Variants in ZNF248 observed in about 807,000 individuals in gnomAD.
ZNF248 encodes zinc finger protein 248.
A neutral mutation model predicts 44.3 loss-of-function variants in ZNF248; 20 were observed. The ratio of observed to expected loss-of-function variants is 0.45; its 90% confidence interval spans 0.32 to 0.66. The LOEUF (loss-of-function observed/expected upper bound fraction) is 0.66. Ranked by LOEUF, ZNF248 falls within the 30% of genes least tolerant of loss-of-function variation. The pLI is 0.04. For synonymous variants in ZNF248, 224 were observed against 229.0 expected, an observed-to-expected ratio of 0.98 and a Z score of 0.20; for missense variants, 654 against 677.0, an observed-to-expected ratio of 0.97 and a Z score of 0.38.
At chr10:37,817,365 C>A (rs1433439659) in intron 6 of ZNF248, among the ~76,000 whole-genome samples, 5 of 117,110 alleles carry the variant, frequency 4.3e-5, no homozygotes, top group African/African-American at 1.3e-4. Flanking sequence ...CATGGATGAA[C>A]CTTTATTTTT....
In ZNF248 at chr10:37,856,468, C is replaced by T. The variant is rs2061312630; in HGVS notation, c.-61G>A. ...GTGTGGCTCCGATATATGCTGAGCT[C>T]AGACATGACACTTTTCACTGAGTGA... is the stretch of plus-strand genomic sequence containing the variant. On this transcript the variant is annotated 5_prime_UTR_variant, in exon 2 of 6. Transcript: ENST00000395867. 3.8e-6 allele frequency: 5 copies of T among 1,326,222 alleles called. No homozygotes were observed. The East Asian group carries it at 1.3e-4, about 35-fold the overall frequency. 82.2% of individuals were successfully genotyped at this position (1,326,222 alleles called of 1,614,324 possible).
chr10:37,763,559 CTG>C, the ZNF248 span, among the ~76,000 whole-genome samples: 8 of 152,214 alleles, frequency 5.3e-5, no homozygotes, highest in South Asian at 1.7e-3. Flanking sequence ...ACATAAAAGA[CTG>C]TATTAATATA....
Position 37,831,114 on chromosome 10 carries a change from A to G in ZNF248, c.*501T>C. ...GACACCAATGGTATTTAGTGTAGAA[A>G]ATATTAACAAATACCATAGTAGTTA... is the stretch of plus-strand genomic sequence containing the variant. On this transcript the variant is annotated 3_prime_UTR_variant, in exon 6 of 6. Transcript: ENST00000395867. 1 of 1,418,254 alleles carries G rather than the reference A, an allele frequency of 7.1e-7. No homozygotes were observed. Among genetic ancestry groups the G allele is most frequent in the South Asian group, 1.6e-5 (1 of 61,838 alleles). 87.9% of individuals were successfully genotyped at this position (1,418,254 alleles called of 1,614,324 possible).
intron 6 of ZNF248, among the ~76,000 whole-genome samples, chr10:37,786,692 A>G (rs143166615): frequency 2.6e-5 from 4 of 152,306 alleles, no homozygotes; most frequent in African/African-American, 9.6e-5. Flanking sequence ...AAAGTATAAT[A>G]TAGTTTACAG....
chr10:37,820,673 T>C (rs1345819457), intron 6 of ZNF248: 1 of 1,409,874 alleles, frequency 7.1e-7, no homozygotes, highest in African/African-American at 1.4e-5. Flanking sequence ...TCGCTGGTCA[T>C]TCTGCTTTTT....
chr10:37,819,587 T>G, intron 6 of ZNF248: 1 of 877,324 alleles, frequency 1.1e-6, no homozygotes, highest in Non-Finnish European at 2.0e-6. Context: ...ATCTTCATTA[T>G]GTATCCTTTT....
Position 37,819,042 on chromosome 10 carries a change from A to G in ZNF248, c.330+13983T>C, listed in dbSNP as rs1053547073. 3.7e-6 allele frequency: 3 copies of G among 810,088 alleles called. No homozygotes were observed. In the African/African-American group the frequency reaches 5.0e-5, roughly 14 times the overall value. The allele number at this position is 810,088 out of a possible 1,614,324, so 50.2% of individuals were successfully genotyped here. A position where few individuals can be genotyped will look rare whatever the true frequency, so the allele number is the denominator to read the frequency against. ...GATGTCAGCTCCATGCCACCCACTG[A>G]ATTGTAGCTATCATCATCCATGATC... On this transcript the variant is annotated intron_variant, in intron 6 of 6. Coordinates refer to the ZNF248 transcript ENST00000615949.
At chr10:37,784,436 C>A (rs952034177) in intron 6 of ZNF248, among the ~76,000 whole-genome samples, 1 of 152,202 alleles carries the variant, frequency 6.6e-6, no homozygotes, top group Non-Finnish European at 1.5e-5. Flanking sequence ...GTAGTTAAGG[C>A]CACTGATGCC....
downstream of ZNF248, chr10:37,775,263 T>C (rs1588930486): frequency 1.3e-5 from 2 of 152,336 alleles, no homozygotes; most frequent in African/African-American, 2.4e-5. Context: ...CTGTTAACTA[T>C]AAATTCCTTG....
chr10:37,808,917 T>C (rs1341460152), intron 6 of ZNF248, among the ~76,000 whole-genome samples: 4 of 152,168 alleles, frequency 2.6e-5, no homozygotes. Flanking sequence ...ATTATGTACC[T>C]ACATAATTTT....
intron 5 of ZNF248, among the ~76,000 whole-genome samples, chr10:37,834,685 A>G (rs1001360604): frequency 6.6e-6 from 1 of 152,222 alleles, no homozygotes; most frequent in Non-Finnish European, 1.5e-5. Context: ...AATCTGGGCT[A>G]TTTAAGTTTC....
At chr10:37,804,098 TTTC>T (rs1461646212) in intron 6 of ZNF248, among the ~76,000 whole-genome samples, 5 of 48,064 alleles carry the variant, frequency 1.0e-4, no homozygotes, top group Non-Finnish European at 1.6e-4. Flanking sequence ...CCTTTTTCTT[TTTC>T]TTTTTTTTTT....
At chr10:37,825,410 C>T (rs973088924), downstream of ZNF248, among the ~76,000 whole-genome samples, 6 of 152,162 alleles carry the variant, frequency 3.9e-5, no homozygotes, top group Non-Finnish European at 7.3e-5. Flanking sequence ...ACAGCACCCA[C>T]TGTGACAATG....
At chr10:37,837,845 AG>A in intron 4 of ZNF248, 133 bp from the exon 5 acceptor site, 3 of 1,358,350 alleles carry the variant, frequency 2.2e-6, no homozygotes, top group Non-Finnish European at 3.0e-6. Context: ...ATCTCTGACA[AG>A]GCAAGAGCAC....
intron 3 of ZNF248, among the ~76,000 whole-genome samples, chr10:37,854,467 C>T (rs953146824): frequency 4.6e-5 from 7 of 152,156 alleles, no homozygotes; most frequent in Non-Finnish European, 7.4e-5. Flanking sequence ...CTTAGACACA[C>T]GAAAACGTAT....
At chr10:37,764,207 T>C in the ZNF248 span, among the ~76,000 whole-genome samples, 3 of 152,140 alleles carry the variant, frequency 2.0e-5, no homozygotes, top group Non-Finnish European at 4.4e-5. Flanking sequence ...GTCTCTAAAA[T>C]GGCTGCTCTG....
the ZNF248 span, among the ~76,000 whole-genome samples, chr10:37,763,637 T>TTAAAGTAAG: frequency 1.3e-5 from 2 of 152,218 alleles, no homozygotes; most frequent in Non-Finnish European, 2.9e-5. Context: ...TTTTAATGTT[T>TTAAAGTAAG]GAGTTTGATT....
chr10:37,776,474 G>A (rs1038034672), downstream of ZNF248: 2 of 397,486 alleles, frequency 5.0e-6, no homozygotes, highest in East Asian at 3.6e-5. Context: ...GGCTGACAAC[G>A]TTCAGGTTAG....
At chr10:37,825,053 AAAGTAT>A (rs1380033485), downstream of ZNF248, among the ~76,000 whole-genome samples, 4 of 152,030 alleles carry the variant, frequency 2.6e-5, no homozygotes, top group East Asian at 1.9e-4. Flanking sequence ...GACAAATGTT[AAAGTAT>A]ATCTCCCAGA....
Sources: gnomAD v4.1 joint callset for allele counts (sites outside exome capture counted in the v4.1 genomes callset) on GRCh38, gnomAD v4.1.1 for gene constraint, MANE v1.5 for transcripts, NCBI Gene and HGNC (gene_info 2026-07-23, HGNC 2026-07-21) for gene names.